SEC24D: variants seen among roughly 807,000 people sequenced by gnomAD.
The protein encoded by SEC24D is protein transport protein Sec24D.
SEC24D carries 69 observed loss-of-function variants against 116.9 expected under a neutral mutation model. The observed-to-expected ratio is 0.59, with a 90% confidence interval of 0.49 to 0.72. The LOEUF (loss-of-function observed/expected upper bound fraction) is 0.72. Among genes scored for constraint, SEC24D ranks in the 30% least tolerant of loss-of-function variants. SEC24D has a pLI of 0.00. For synonymous variants in SEC24D, 405 were observed against 442.8 expected (o/e 0.91, Z 1.07); for missense variants, 1,131 against 1,264.1 (o/e 0.89, Z 1.60).
chr4:118,812,425 C>G (rs114175487), intron 6 of SEC24D, among the ~76,000 whole-genome samples: 6,644 of 152,160 alleles, frequency 0.044, 200 homozygotes, highest in Non-Finnish European at 0.063. Flanking sequence ...CCGCCATACC[C>G]CCATCCTGGG....
chr4:118,747,715 C>T (rs1257704618), intron 13 of SEC24D, among the ~76,000 whole-genome samples: 1 of 152,158 alleles, frequency 6.6e-6, no homozygotes, highest in Non-Finnish European at 1.5e-5. Context: ...AAATTCTATT[C>T]ATTTAGACAT....
intron 3 of SEC24D, among the ~76,000 whole-genome samples, chr4:118,823,126 G>A (rs1011176126): frequency 1.1e-4 from 17 of 152,110 alleles, no homozygotes; most frequent in African/African-American, 7.2e-5. Flanking sequence ...TTGGTTCTCC[G>A]TCTTTTTGCT....
intron 2 of SEC24D, among the ~76,000 whole-genome samples, chr4:118,831,498 A>G (rs1730856721): frequency 1.3e-5 from 2 of 152,178 alleles, no homozygotes; most frequent in African/African-American, 4.8e-5. Context: ...GCAACTGGAA[A>G]TATGGGTCTA....
chr4:118,766,210 T>C (rs1578412282), intron 9 of SEC24D, among the ~76,000 whole-genome samples: 1 of 152,246 alleles, frequency 6.6e-6, no homozygotes, highest in African/African-American at 2.4e-5. Flanking sequence ...GTCTATCATC[T>C]TTTGTAAGCC....
intron 8 of SEC24D, among the ~76,000 whole-genome samples, chr4:118,776,783 C>T (rs1344485202): frequency 6.6e-6 from 1 of 152,088 alleles, no homozygotes; most frequent in Non-Finnish European, 1.5e-5. Context: ...TAGTTACAGG[C>T]CACTAGCAGA....
rs148223602 is a variant in SEC24D, at chr4:118,802,534, G to A, written c.913+3309C>T. Among the ~76,000 whole-genome samples the A allele has an allele frequency of 2.2e-3, 328 of 152,234 alleles. 3 individuals carry two copies. The highest frequency in any genetic ancestry group is 4.3e-3 in the Admixed American group (65 of 15,288). Reference sequence around the variant, plus strand: ...GGCAAATAAGCCAGGTCAGACAAAGGGGCTTCATAGCAAAAGGGTATGACT... The same window carrying A: ...GGCAAATAAGCCAGGTCAGACAAAGAGGCTTCATAGCAAAAGGGTATGACT... On this transcript the variant is annotated intron_variant, in intron 7 of 22. Transcript: ENST00000280551.
chr4:118,815,580 C>A lies in SEC24D; in HGVS notation c.544G>T (p.Gly182Cys), dbSNP rs1730109343. ...ATTGGTAGAGGCAAAGGTGAGGCAC[C>A]AGGACCATTGAGTGTGGTGGGTGGT... ...PPPPTTLNGP[G>C]ASPLPLPMYR... The change falls in exon 5 of 23, where the codon GGT (glycine) becomes TGT (cysteine). Residue 182 changes from glycine to cysteine, a missense_variant. Transcript: ENST00000280551. 4 of 1,614,164 alleles carry A rather than the reference C, an allele frequency of 2.5e-6. No individual in the cohort carries two copies. The East Asian group carries it at 8.9e-5, about 36-fold the overall frequency.
rs549493892 is a variant in SEC24D at position 118,741,326 on chromosome 4, C to G, written c.1996-289G>C. Among the ~76,000 whole-genome samples, 3 of 152,244 alleles carry G rather than the reference C, an allele frequency of 2.0e-5. No individual in the cohort carries two copies. The South Asian group carries it at 6.2e-4, about 32-fold the overall frequency. On this transcript the variant is annotated intron_variant, in intron 15 of 22. Transcript: ENST00000280551. ...AAATTAAGAGAGCATAAGTGATCCA[C>G]TCAGTGGCTTAGGGTTAGAGACAAG... is the stretch of plus-strand genomic sequence containing the variant.
At chr4:118,785,345 T>C (rs1250610009) in intron 8 of SEC24D, among the ~76,000 whole-genome samples, 1 of 152,204 alleles carries the variant, frequency 6.6e-6, no homozygotes, top group African/African-American at 2.4e-5. Flanking sequence ...ATGTACTGTT[T>C]TAGGTCCTAG....
chr4:118,732,640 GAAC>G (rs1158886167), intron 20 of SEC24D, 90 bp downstream of exon 20: 3 of 1,237,840 alleles, frequency 2.4e-6, no homozygotes, highest in Non-Finnish European at 3.4e-6. Flanking sequence ...TTCCTCTTAA[GAAC>G]AACATATTTC....
intron 22 of SEC24D, among the ~76,000 whole-genome samples, chr4:118,725,806 G>A (rs760856110): frequency 1.5e-4 from 23 of 152,168 alleles, no homozygotes; most frequent in Non-Finnish European, 3.2e-4. Context: ...GACACAGAAA[G>A]TATAGTGGAA....
chr4:118,803,948 C>A lies in SEC24D; in HGVS notation c.913+1895G>T, dbSNP rs529015520. 5.3e-5 allele frequency among the ~76,000 whole-genome samples: 8 copies of A among 152,026 alleles called. No individual in the cohort carries two copies. In the South Asian group the frequency reaches 1.7e-3, roughly 32 times the overall value. ...TTGTATATTTTTATTATATTATTAA[C>A]CTCAGGTTTAGCATAGAGGCCTGGC... On this transcript the variant is annotated intron_variant, in intron 7 of 22. Transcript: ENST00000280551.
intron 11 of SEC24D, 123 bp from the exon 12 acceptor site, chr4:118,753,011 C>T: frequency 1.4e-6 from 1 of 695,478 alleles, no homozygotes; most frequent in Non-Finnish European, 2.2e-6. Flanking sequence ...AAGTTTTTGT[C>T]TTACTTTCTG....
rs1375396536 is a variant in SEC24D, at chr4:118,822,745, A to T, written c.248+1875T>A. Among the ~76,000 whole-genome samples, 3 of 149,948 alleles carry T rather than the reference A, an allele frequency of 2.0e-5. No individual in the cohort carries two copies. The East Asian group carries it at 5.9e-4, about 29-fold the overall frequency. On this transcript the variant is annotated intron_variant, in intron 3 of 22. Transcript: ENST00000280551. ...TGCCACCATGCTTGGCTAATTTTCTATTTTTTTTTGTAGAGATGGGGTCTC... is the reference window on the plus strand; with the variant it reads ...TGCCACCATGCTTGGCTAATTTTCTTTTTTTTTTTGTAGAGATGGGGTCTC...
At chr4:118,752,176 A>G (rs1054703899) in intron 12 of SEC24D, 87 bp from the exon 13 acceptor site, 1 of 852,882 alleles carries the variant, frequency 1.2e-6, no homozygotes, top group Non-Finnish European at 1.9e-6. Flanking sequence ...TTTCAAGCCT[A>G]AACACATATG....
In SEC24D at chr4:118,777,264, C is replaced by T. The variant is rs112685951; in HGVS notation, c.1042-8953G>A. Among the ~76,000 whole-genome samples, 70 of 152,252 alleles carry T rather than the reference C, an allele frequency of 4.6e-4. 1 individual carries two copies. The highest frequency in any genetic ancestry group is 1.6e-3 in the African/African-American group (66 of 41,558). ...ATTTCTCCTAATGCTATCCCTCCCC[C>T]AGCCCTCCACCTCACAACAGACCCC... On this transcript the variant is annotated intron_variant, in intron 8 of 22. Coordinates refer to ENST00000280551, the MANE Select transcript of SEC24D (RefSeq NM_014822.4).
intron 8 of SEC24D, among the ~76,000 whole-genome samples, chr4:118,773,339 G>T (rs191337347): frequency 1.6e-3 from 244 of 152,260 alleles, no homozygotes; most frequent in African/African-American, 5.6e-3. Flanking sequence ...GAAGATTTAA[G>T]ATAAGACCTG....
Position 118,824,704 on chromosome 4 carries a change from C to A in SEC24D, c.164G>T (p.Gly55Val). 2 of 1,607,604 alleles carry A rather than the reference C, an allele frequency of 1.2e-6. No homozygotes were observed. Among genetic ancestry groups the A allele is most frequent in the Non-Finnish European group, 1.7e-6 (2 of 1,177,386 alleles). ...AGGTGGGGGACCCGGAGGCAACATTCCCCTAGTGGCGGTGGCCCCCAAAGG... is the reference window on the plus strand; with the variant it reads ...AGGTGGGGGACCCGGAGGCAACATTACCCTAGTGGCGGTGGCCCCCAAAGG... ...AGPLGATATRGMLPPGPPPPG... is the reference protein window; with the variant it reads ...AGPLGATATRVMLPPGPPPPG... The change falls in exon 3 of 23, where the codon GGA becomes GTA. Residue 55 changes from glycine to valine, a missense_variant. Transcript: ENST00000280551.
Position 118,733,093 on chromosome 4 carries a change from G to A in SEC24D, c.2497-181C>T, listed in dbSNP as rs180916338. 8.9e-4 allele frequency: 493 copies of A among 554,960 alleles called. 2 individuals carry two copies. Among genetic ancestry groups the A allele is most frequent in the African/African-American group, 8.1e-3 (426 of 52,494 alleles). The allele number at this position is 554,960 out of a possible 1,614,324, so 34.4% of individuals were successfully genotyped here. A position where few individuals can be genotyped will look rare whatever the true frequency, so the allele number is the denominator to read the frequency against. On this transcript the variant is annotated intron_variant, in intron 19 of 22. Coordinates refer to ENST00000280551, the MANE Select transcript of SEC24D (RefSeq NM_014822.4). The stretch of plus-strand genomic sequence containing the variant: ...CTGGCACAGAGTAGGCATTCAAAGA[G>A]CAGCAGTTGTTTTTATTTTATCTAG...
Sources: allele counts gnomAD v4.1 joint callset (sites outside exome capture counted in the v4.1 genomes callset), GRCh38; gene constraint gnomAD v4.1.1; transcripts MANE v1.5; gene names NCBI Gene and HGNC (gene_info 2026-07-23, HGNC 2026-07-21).